Variants in RSRC1 observed in about 807,000 individuals in gnomAD.
The protein encoded by RSRC1 is serine/Arginine-related protein 53.
Under a neutral mutation model 49.1 loss-of-function variants are expected in RSRC1, and 39 were observed. The ratio of observed to expected loss-of-function variants is 0.79; its 90% confidence interval spans 0.61 to 1.04. The LOEUF (loss-of-function observed/expected upper bound fraction) is 1.04. RSRC1 is among the 50% of genes least tolerant of loss of function. RSRC1 has a pLI of 0.00. For synonymous variants in RSRC1, 143 were observed against 130.8 expected (o/e 1.09, Z -0.63); for missense variants, 388 against 402.4 (o/e 0.96, Z 0.31).
Position 158,138,103 on chromosome 3 carries a change from C to T in RSRC1, c.320+14112C>T, listed in dbSNP as rs563767881. 2.0e-5 allele frequency among the ~76,000 whole-genome samples: 3 copies of T among 152,292 alleles called. 1 individual carries two copies. The South Asian group carries it at 6.2e-4, about 32-fold the overall frequency. On this transcript the variant is annotated intron_variant, in intron 3 of 9. Transcript: ENST00000611884. The stretch of plus-strand genomic sequence containing the variant: ...AGATTTCCACCTGGGATGGCAACCA[C>T]ATTGTGGGGACCTCTAGTTGGGGGC...
chr3:158,502,958 A>G (rs989079549), intron 7 of RSRC1, among the ~76,000 whole-genome samples: 12 of 152,062 alleles, frequency 7.9e-5, no homozygotes, highest in South Asian at 6.2e-4. Context: ...TTGTCATATT[A>G]CCTGAGTTGG....
intron 4 of RSRC1, among the ~76,000 whole-genome samples, chr3:158,253,183 C>CT (rs1377799754): frequency 1.3e-5 from 2 of 151,802 alleles, no homozygotes; most frequent in Non-Finnish European, 2.9e-5. Flanking sequence ...AGCTTTTCTG[C>CT]TTTTTTTGAT....
intron 3 of RSRC1, among the ~76,000 whole-genome samples, chr3:158,180,910 T>A (rs1719576976): frequency 6.8e-6 from 1 of 147,384 alleles, no homozygotes; most frequent in African/African-American, 2.5e-5. Context: ...GTTCAAGCAA[T>A]TCTCCTGCTT....
At chr3:158,249,649 A>G (rs923823417) in intron 4 of RSRC1, among the ~76,000 whole-genome samples, 2 of 111,650 alleles carry the variant, frequency 1.8e-5, no homozygotes, top group Non-Finnish European at 3.9e-5. Context: ...TCTATGGTAC[A>G]TTTATGCTTC....
intron 6 of RSRC1, among the ~76,000 whole-genome samples, chr3:158,413,720 A>G (rs941974767): frequency 5.3e-5 from 8 of 152,350 alleles, no homozygotes; most frequent in African/African-American, 1.9e-4. Flanking sequence ...TATGTGGCCA[A>G]AAAACATGAA....
intron 6 of RSRC1, among the ~76,000 whole-genome samples, chr3:158,454,692 T>C (rs1737222479): frequency 6.6e-6 from 1 of 152,110 alleles, no homozygotes; most frequent in Non-Finnish European, 1.5e-5. Flanking sequence ...TTTTATGGTG[T>C]TATTGTTGTT....
chr3:158,364,850 A>AATAATAATC (rs56191540), intron 6 of RSRC1, among the ~76,000 whole-genome samples: 2 of 148,140 alleles, frequency 1.4e-5, no homozygotes, highest in Non-Finnish European at 3.0e-5. Context: ...TAATAATAAT[A>AATAATAATC]TGTACCTTGT....
intron 4 of RSRC1, among the ~76,000 whole-genome samples, chr3:158,258,420 G>A (rs1381255687): frequency 1.3e-5 from 2 of 151,474 alleles, no homozygotes; most frequent in Non-Finnish European, 2.9e-5. Flanking sequence ...TCCACCAGAT[G>A]TATTGGAGCT....
chr3:158,477,898 C>CT (rs1043164052), intron 7 of RSRC1, among the ~76,000 whole-genome samples: 1 of 147,806 alleles, frequency 6.8e-6, no homozygotes, highest in African/African-American at 2.5e-5. Flanking sequence ...AAAGTTAATA[C>CT]TTTCCTGTTT....
intron 3 of RSRC1, among the ~76,000 whole-genome samples, chr3:158,161,051 G>A (rs1718186597): frequency 6.6e-6 from 1 of 152,142 alleles, no homozygotes; most frequent in South Asian, 2.1e-4. Flanking sequence ...CCTTGGCAGA[G>A]CAGGAAGACT....
chr3:158,482,221 G>GA (rs1395424803), intron 7 of RSRC1, among the ~76,000 whole-genome samples: 5 of 143,668 alleles, frequency 3.5e-5, no homozygotes, highest in African/African-American at 1.2e-4. Context: ...CTCAGCAGAA[G>GA]AAAAAACAGA....
intron 6 of RSRC1, among the ~76,000 whole-genome samples, chr3:158,398,433 C>T (rs1186347465): frequency 6.6e-6 from 1 of 152,054 alleles, no homozygotes; most frequent in African/African-American, 2.4e-5. Context: ...CACACTGCAG[C>T]TTCACCGTAG....
At position 158,269,821 on chromosome 3, in the gene RSRC1, A is replaced by G. The variant is rs551696217; in HGVS notation, c.495-28218A>G. The stretch of plus-strand genomic sequence containing the variant: ...GCCCAGAAAACAGATTTCTTATTTT[A>G]CCTGTTCTTAAGGAGTTATTCCCTT... On this transcript the variant is annotated intron_variant, in intron 4 of 9. Coordinates refer to ENST00000611884, the MANE Select transcript of RSRC1 (RefSeq NM_001271838.2). Among the ~76,000 whole-genome samples the G allele has an allele frequency of 8.5e-5, 13 of 152,190 alleles. No homozygotes were observed. The South Asian group carries it at 2.7e-3, about 32-fold the overall frequency.
At chr3:158,220,604 C>T (rs1487024135) in intron 4 of RSRC1, among the ~76,000 whole-genome samples, 1 of 151,542 alleles carries the variant, frequency 6.6e-6, no homozygotes, top group Non-Finnish European at 1.5e-5. Flanking sequence ...TGATTGCTTC[C>T]TTGAATAATT....
chr3:158,178,122 T>G (rs1200738378), intron 3 of RSRC1, among the ~76,000 whole-genome samples: 1 of 151,830 alleles, frequency 6.6e-6, no homozygotes, highest in African/African-American at 2.4e-5. Context: ...TGTTTTTTTG[T>G]TTGTTTGTTT....
intron 6 of RSRC1, among the ~76,000 whole-genome samples, chr3:158,436,770 T>A (rs939033437): frequency 6.6e-6 from 1 of 151,960 alleles, no homozygotes; most frequent in Admixed American, 6.6e-5. Flanking sequence ...ATAAATACAA[T>A]ATGCTACCCT....
At chr3:158,347,672 A>G (rs994588798) in intron 5 of RSRC1, among the ~76,000 whole-genome samples, 3 of 152,102 alleles carry the variant, frequency 2.0e-5, no homozygotes, top group African/African-American at 7.2e-5. Context: ...CTGCCTCCCA[A>G]ATACTTGGGA....
At chr3:158,189,878 A>G (rs73874321) in intron 3 of RSRC1, among the ~76,000 whole-genome samples, 11,602 of 151,708 alleles carry the variant, frequency 0.076, 529 homozygotes, top group South Asian at 0.13. Context: ...ACTAGTTTAT[A>G]TTATTTTAAT....
At chr3:158,432,394 AAG>A (rs1306321874) in intron 6 of RSRC1, among the ~76,000 whole-genome samples, 2 of 151,946 alleles carry the variant, frequency 1.3e-5, no homozygotes, top group Non-Finnish European at 2.9e-5. Flanking sequence ...ACCAGGACAT[AAG>A]AGAGTCTATG....
Sources: allele counts gnomAD v4.1 joint callset (sites outside exome capture counted in the v4.1 genomes callset), GRCh38; gene constraint gnomAD v4.1.1; transcripts MANE v1.5; gene names NCBI Gene and HGNC (gene_info 2026-07-23, HGNC 2026-07-21).